The following EDIL3 variants were observed in gnomAD, a reference collection of about 807,000 sequenced individuals.
EDIL3 encodes EGF-like repeat and discoidin I-like domain-containing protein 3.
In EDIL3, 37 loss-of-function variants were observed where a neutral mutation model predicts 67.4. The observed-to-expected ratio is 0.55, with a 90% CI of 0.42 to 0.72. The LOEUF is 0.72. EDIL3 is among the 30% of genes least tolerant of loss of function. The pLI, the probability that EDIL3 is intolerant of heterozygous loss-of-function variation, is 0.00. For synonymous variants in EDIL3, 195 were observed against 196.3 expected, an observed-to-expected ratio of 0.99 and a Z score of 0.05; for missense variants, 527 against 586.3, an observed-to-expected ratio of 0.90 and a Z score of 1.04.
At chr5:84,315,040 G>T (rs1467140781) in intron 1 of EDIL3, among the ~76,000 whole-genome samples, 1 of 151,946 alleles carries the variant, frequency 6.6e-6, no homozygotes, top group Non-Finnish European at 1.5e-5. Flanking sequence ...TATCCTTCTA[G>T]TTTAACAGAA....
chr5:84,049,735 G>A (rs1333545956), intron 9 of EDIL3, among the ~76,000 whole-genome samples: 1 of 149,940 alleles, frequency 6.7e-6, no homozygotes, highest in Non-Finnish European at 1.5e-5. Context: ...AGTATTAGTT[G>A]AATTTTAAAG....
At chr5:83,985,908 G>A (rs1234985971) in intron 9 of EDIL3, among the ~76,000 whole-genome samples, 1 of 151,830 alleles carries the variant, frequency 6.6e-6, no homozygotes, top group Non-Finnish European at 1.5e-5. Context: ...GTTCCAACTT[G>A]CTTTGGGTCA....
chr5:84,186,747 A>G (rs1743463643), intron 3 of EDIL3, among the ~76,000 whole-genome samples: 1 of 152,044 alleles, frequency 6.6e-6, no homozygotes, highest in East Asian at 1.9e-4. Flanking sequence ...ACAAGCACAC[A>G]TGTATATCAC....
intron 3 of EDIL3, among the ~76,000 whole-genome samples, chr5:84,224,914 T>A (rs964890935): frequency 6.6e-6 from 1 of 151,608 alleles, no homozygotes; most frequent in African/African-American, 2.4e-5. Context: ...GGGTACAGTA[T>A]CTGCTTTAAA....
At chr5:84,374,292 A>G (rs1747919567) in intron 1 of EDIL3, among the ~76,000 whole-genome samples, 2 of 152,122 alleles carry the variant, frequency 1.3e-5, no homozygotes, top group Admixed American at 6.6e-5. Context: ...TGGAATCAGA[A>G]CATATAGATT....
intron 9 of EDIL3, among the ~76,000 whole-genome samples, chr5:84,002,958 C>T (rs1224777609): frequency 1.3e-5 from 2 of 152,216 alleles, no homozygotes; most frequent in African/African-American, 4.8e-5. Flanking sequence ...AGTGGCTGAA[C>T]ATTTCCACTG....
intron 1 of EDIL3, among the ~76,000 whole-genome samples, chr5:84,353,764 T>C (rs915557297): frequency 4.6e-5 from 7 of 152,234 alleles, no homozygotes; most frequent in Non-Finnish European, 8.8e-5. Context: ...TCATCAGTTA[T>C]TCCAAGGACT....
chr5:83,981,025 A>T (rs1449766583), intron 9 of EDIL3, among the ~76,000 whole-genome samples: 1 of 152,240 alleles, frequency 6.6e-6, no homozygotes, highest in Non-Finnish European at 1.5e-5. Flanking sequence ...TCTCATGGTT[A>T]TGGATCGGAA....
intron 3 of EDIL3, among the ~76,000 whole-genome samples, chr5:84,192,899 G>A (rs1018196181): frequency 2.6e-5 from 4 of 151,980 alleles, no homozygotes; most frequent in Admixed American, 2.0e-4. Flanking sequence ...CTCTGAAGAA[G>A]TGAAGCATAG....
intron 2 of EDIL3, among the ~76,000 whole-genome samples, chr5:84,244,314 CTCTT>C (rs1744862724): frequency 6.6e-6 from 1 of 152,154 alleles, no homozygotes; most frequent in Non-Finnish European, 1.5e-5. Context: ...AGCAGTCTCT[CTCTT>C]TTGCCAGGTT....
chr5:84,089,178 G>T (rs183194008), intron 6 of EDIL3, among the ~76,000 whole-genome samples: 3 of 152,274 alleles, frequency 2.0e-5, no homozygotes, highest in African/African-American at 7.2e-5. Context: ...GGGGCCATGG[G>T]ACTCATAAAT....
chr5:84,182,270 TACACACACAC>T (rs71607704), intron 3 of EDIL3, among the ~76,000 whole-genome samples: 57 of 142,010 alleles, frequency 4.0e-4, no homozygotes, highest in South Asian at 1.4e-3. Flanking sequence ...CTACAAAAAA[TACACACACAC>T]ACACACACAC....
At chr5:84,047,372 T>C (rs1048731395) in intron 9 of EDIL3, among the ~76,000 whole-genome samples, 1 of 152,136 alleles carries the variant, frequency 6.6e-6, no homozygotes, top group South Asian at 2.1e-4. Context: ...AGATGTAAGA[T>C]ACTAAACCAA....
chr5:84,290,950 G>A (rs986183886), intron 1 of EDIL3, among the ~76,000 whole-genome samples: 14 of 152,110 alleles, frequency 9.2e-5, no homozygotes, highest in African/African-American at 3.4e-4. Flanking sequence ...CTGAACATTT[G>A]TGATTTCAGC....
At chr5:84,245,696 T>G (rs1744895205) in intron 2 of EDIL3, among the ~76,000 whole-genome samples, 1 of 152,040 alleles carries the variant, frequency 6.6e-6, no homozygotes, top group South Asian at 2.1e-4. Context: ...TGCTTTTCCA[T>G]GAAAGGGAAA....
chr5:84,093,795 G>T (rs1386334321), intron 6 of EDIL3, among the ~76,000 whole-genome samples: 1 of 151,844 alleles, frequency 6.6e-6, no homozygotes, highest in South Asian at 2.1e-4. Flanking sequence ...AAGTAGCTGG[G>T]ACTAGAGGTG....
chr5:84,202,782 G>T lies in EDIL3; in HGVS notation c.227-22261C>A, dbSNP rs79424747. The stretch of plus-strand genomic sequence containing the variant: ...TCAGGGATATAGAGAAGACAGAGAA[G>T]AGAAAGCAGTCTCACACGTACTATG... On this transcript the variant is annotated intron_variant, in intron 3 of 10. Transcript: ENST00000296591. Among the ~76,000 whole-genome samples the T allele has an allele frequency of 5.4e-3, 828 of 152,236 alleles. 8 individuals carry two copies. Among genetic ancestry groups the T allele is most frequent in the African/African-American group, 0.019 (770 of 41,546 alleles).
At chr5:84,013,747 T>C (rs1051749486) in intron 9 of EDIL3, among the ~76,000 whole-genome samples, 4 of 152,194 alleles carry the variant, frequency 2.6e-5, no homozygotes, top group African/African-American at 9.6e-5. Context: ...TTGAATGGTG[T>C]ATGATATACA....
At chr5:83,983,741 T>A (rs1322926166) in intron 9 of EDIL3, among the ~76,000 whole-genome samples, 1 of 140,262 alleles carries the variant, frequency 7.1e-6, no homozygotes, top group Non-Finnish European at 1.5e-5. Context: ...ACAGGGACTT[T>A]CTTTTTTTTT....
Sources: gnomAD v4.1 joint callset for allele counts (sites outside exome capture counted in the v4.1 genomes callset) on GRCh38, gnomAD v4.1.1 for gene constraint, MANE v1.5 for transcripts, NCBI Gene and HGNC (gene_info 2026-07-23, HGNC 2026-07-21) for gene names.